The following GFPT2 variants were observed in gnomAD, a reference collection of about 807,000 sequenced individuals.
The protein encoded by GFPT2 is glutamine--fructose-6-phosphate aminotransferase [isomerizing] 2.
In GFPT2, 62 loss-of-function variants were observed where a neutral mutation model predicts 85.6. That is an observed-to-expected ratio of 0.72 (90% CI 0.59 to 0.90). The LOEUF (loss-of-function observed/expected upper bound fraction) is 0.90. Among genes scored for constraint, GFPT2 ranks in the 40% least tolerant of loss-of-function variants. The pLI, the probability that GFPT2 is intolerant of heterozygous loss-of-function variation, is 0.00. For missense variants in GFPT2, 788 were observed against 893.4 expected, an observed-to-expected ratio of 0.88 and a Z score of 1.50; for synonymous variants, 368 against 344.5, an observed-to-expected ratio of 1.07 and a Z score of -0.75.
chr5:180,341,303 A>T (rs1764510684), intron 1 of GFPT2, among the ~76,000 whole-genome samples: 1 of 152,222 alleles, frequency 6.6e-6, no homozygotes, highest in African/African-American at 2.4e-5. Flanking sequence ...CTCAGAGAGG[A>T]CAACCTGCCC....
chr5:180,335,284 C>T (rs200722119), intron 4 of GFPT2, among the ~76,000 whole-genome samples: 93 of 152,338 alleles, frequency 6.1e-4, no homozygotes, highest in East Asian at 4.2e-3. Context: ...CTTCGGGCTG[C>T]GGCCCCTACT....
At chr5:180,307,884 G>A (rs62404927) in intron 15 of GFPT2, among the ~76,000 whole-genome samples, 27,709 of 152,082 alleles carry the variant, frequency 0.18, 2,992 homozygotes, top group Non-Finnish European at 0.25. Flanking sequence ...AGGCCGAGGC[G>A]GGTGGATCAT....
rs150315976 is a variant in GFPT2 at position 180,301,010 on chromosome 5, G to C, written c.*554C>G. 1 of 153,636 alleles carries C rather than the reference G, an allele frequency of 6.5e-6. No homozygotes were observed. The highest frequency in any genetic ancestry group is 1.5e-5 in the Non-Finnish European group (1 of 68,798). 9.5% of individuals were successfully genotyped at this position (153,636 alleles called of 1,614,324 possible). On this transcript the variant is annotated 3_prime_UTR_variant, in exon 19 of 19. Transcript: ENST00000253778. ...CAGGAGGGGCTCCACGGATGTCAGA[G>C]AACAGGATTCAGGAGCAGCCTAGAG... is the stretch of plus-strand genomic sequence containing the variant.
chr5:180,326,154 G>T (rs1264045393), intron 7 of GFPT2, among the ~76,000 whole-genome samples: 3 of 152,178 alleles, frequency 2.0e-5, no homozygotes, highest in African/African-American at 2.4e-5. Context: ...GGTGTGCACA[G>T]AAATAAGAGG....
chr5:180,304,615 G>T (rs1365571627), intron 17 of GFPT2, among the ~76,000 whole-genome samples, 157 bp downstream of exon 17: 1 of 152,226 alleles, frequency 6.6e-6, no homozygotes, highest in Non-Finnish European at 1.5e-5. Context: ...TCCTTTCCAA[G>T]TGTGTGCACT....
chr5:180,325,046 C>T lies in GFPT2; in HGVS notation c.597-151G>A. 4.7e-6 allele frequency: 3 copies of T among 638,996 alleles called. No individual in the cohort carries two copies. In the South Asian group the frequency reaches 5.4e-5, roughly 12 times the overall value. 39.6% of individuals were successfully genotyped at this position (638,996 alleles called of 1,614,324 possible). A position where few individuals can be genotyped will look rare whatever the true frequency, so the allele number is the denominator to read the frequency against. ...TCCCACAGGACGGACGCCTGGAGCACAGGATGGAAAGGCCAGCTCCTGAGT... is the reference window on the plus strand; with the variant it reads ...TCCCACAGGACGGACGCCTGGAGCATAGGATGGAAAGGCCAGCTCCTGAGT... On this transcript the variant is annotated intron_variant, in intron 7 of 18. Transcript: ENST00000253778.
intron 1 of GFPT2, among the ~76,000 whole-genome samples, chr5:180,349,878 G>GTTT (rs61294953): frequency 6.8e-6 from 1 of 146,056 alleles, no homozygotes. Context: ...CACAGTGATT[G>GTTT]TTTTTTTTTT....
intron 9 of GFPT2, among the ~76,000 whole-genome samples, chr5:180,320,723 T>C (rs1764101793): frequency 6.6e-6 from 1 of 152,166 alleles, no homozygotes; most frequent in Non-Finnish European, 1.5e-5. Context: ...GCTGAGATTG[T>C]GCCACTGCAC....
At chr5:180,314,055 A>G in intron 13 of GFPT2, 91 bp from the exon 14 acceptor site, 1 of 1,314,556 alleles carries the variant, frequency 7.6e-7, no homozygotes, top group Non-Finnish European at 1.0e-6. Context: ...TCTTACAGGG[A>G]AATCGGCGCC....
At chr5:180,322,940 C>T (rs930767635) in intron 9 of GFPT2, among the ~76,000 whole-genome samples, 3 of 151,946 alleles carry the variant, frequency 2.0e-5, no homozygotes, top group Non-Finnish European at 2.9e-5. Context: ...GAGGCTGAGG[C>T]AGGAGAATCA....
At position 180,301,147 on chromosome 5, in the gene GFPT2, AAC is replaced by A. The variant is rs760410564; in HGVS notation, c.*415_*416del. 1 of 190,782 alleles carries A rather than the reference AAC, an allele frequency of 5.2e-6. No homozygotes were observed. The highest frequency in any genetic ancestry group is 1.4e-4 in the East Asian group (1 of 7,184). The allele number at this position is 190,782 out of a possible 1,614,324, so 11.8% of individuals were successfully genotyped here. On this transcript the variant is annotated 3_prime_UTR_variant, in exon 19 of 19. Coordinates refer to ENST00000253778, the MANE Select transcript of GFPT2 (RefSeq NM_005110.4). Reference sequence around the variant, plus strand: ...ACACAGAGCATGGGTAGCTAGGATGAACAGTTTGGCCGTTACCACGGCTACAG... The same window carrying A: ...ACACAGAGCATGGGTAGCTAGGATGAAGTTTGGCCGTTACCACGGCTACAG...
In GFPT2 at chr5:180,328,326, C is replaced by T. The variant is rs769522500; in HGVS notation, c.547G>A (p.Ala183Thr). The T allele has an allele frequency of 2.8e-5, 45 of 1,613,018 alleles. No homozygotes were observed. Among genetic ancestry groups the T allele is most frequent in the Non-Finnish European group, 3.6e-5 (42 of 1,179,208 alleles). ...TAGTGGACACTCTTGAAAACCAGCGCGAATGCACCTTCCTGAAAACACACA... is the reference window on the plus strand; with the variant it reads ...TAGTGGACACTCTTGAAAACCAGCGTGAATGCACCTTCCTGAAAACACACA... The part of the protein sequence containing the change: ...RVIQQLEGAF[A>T]LVFKSVHYPG... Residue 183 changes from alanine (A) to threonine (T), a missense_variant, in exon 7 of 19, where the codon GCG becomes ACG. Ala to Thr is a moderately conservative substitution (Grantham distance 58). Coordinates refer to ENST00000253778, the MANE Select transcript of GFPT2 (RefSeq NM_005110.4). This position sits in a 1 kb window ranked among gnomAD's most constrained non-coding sequence, Gnocchi z 5.4.
At chr5:180,324,750 C>A in intron 8 of GFPT2, 66 bp downstream of exon 8, 1 of 1,046,268 alleles carries the variant, frequency 9.6e-7, no homozygotes, top group Non-Finnish European at 1.5e-6. Flanking sequence ...CTGACTGTGC[C>A]AGAGCAGCTG....
intron 1 of GFPT2, among the ~76,000 whole-genome samples, chr5:180,343,588 G>C (rs1382768052): frequency 6.6e-6 from 1 of 152,244 alleles, no homozygotes; most frequent in Non-Finnish European, 1.5e-5. Context: ...CTGTTTCTTT[G>C]CTTTTGCAGC....
At position 180,324,226 on chromosome 5, in the gene GFPT2, G is replaced by A. The variant is rs765839509; in HGVS notation, c.756C>T (p.Gly252=). ...CAAAGAAGAATTCCACGGCCTTGTC[G>A]CCCACAGCATGCAGGCAGGCGGAGC... ...LDSSACLHAV[G]DKAVEFFFAS... The change falls in exon 9 of 19, where the codon GGC becomes GGT. Residue 252 remains glycine (G), a synonymous_variant. Transcript: ENST00000253778. 17 of 1,610,982 alleles carry A rather than the reference G, an allele frequency of 1.1e-5. No individual in the cohort carries two copies. Among genetic ancestry groups the A allele is most frequent in the East Asian group, 6.7e-5 (3 of 44,820 alleles).
chr5:180,331,388 C>T (rs1764297503), intron 5 of GFPT2, 107 bp downstream of exon 5: 4 of 713,528 alleles, frequency 5.6e-6, no homozygotes, highest in Non-Finnish European at 7.6e-6. Flanking sequence ...GAGTGTGGGT[C>T]TCACTCAGTT....
rs201087082 is a variant in GFPT2 at position 180,338,586 on chromosome 5, T to G, written c.22A>C (p.Met8Leu). The G allele has an allele frequency of 1.5e-5, 24 of 1,601,060 alleles. No individual in the cohort carries two copies. In the Admixed American group the frequency reaches 3.5e-4, roughly 23 times the overall value. Residue 8 changes from methionine to leucine, a missense_variant, in exon 2 of 19, where the codon ATG becomes CTG. By Grantham distance (15) the Met-to-Leu change is conservative (BLOSUM62 2). Coordinates refer to ENST00000253778, the MANE Select transcript of GFPT2 (RefSeq NM_005110.4). MCGIFAY[M>L]NYRVPRTRKE... ...CTCGTCCGGGGGACTCTGTAGTTCA[T>G]GTAGGCAAAGATTCCTGTTCAAAGA...
In GFPT2 at chr5:180,324,840, GT is replaced by G. The variant is rs1401151850; in HGVS notation, c.651del (p.Glu217AspfsTer15). 1.2e-6 allele frequency: 2 copies of G among 1,609,852 alleles called. No homozygotes were observed. The highest frequency in any genetic ancestry group is 1.7e-6 in the Non-Finnish European group (2 of 1,176,122). On this transcript the variant is annotated frameshift_variant, in exon 8 of 19. Transcript: ENST00000253778. LOFTEE classifies it high-confidence loss of function. ...GVRSKYKLST[E>X]QIPILYRTCT... ...CACGTCCTGTATAAGATAGGGATCT[GT>G]TCTGTGGAGAGCTTGTATTTGCTCC... is the stretch of plus-strand genomic sequence containing the variant.
Position 180,338,543 on chromosome 5 carries a change from G to GT in GFPT2, c.64dup (p.Thr22AsnfsTer25). Reference sequence around the variant, plus strand: ...CAGCCGCTGCAGGCCCTTGATGAGGGTTTCGAAGATCTCCTTCCTCGTCCG... The same window carrying GT: ...CAGCCGCTGCAGGCCCTTGATGAGGGTTTTCGAAGATCTCCTTCCTCGTCCG... On this transcript the variant is annotated frameshift_variant, in exon 2 of 19. Transcript: ENST00000253778. LOFTEE classifies it high-confidence loss of function. 1.9e-6 allele frequency: 3 copies of GT among 1,612,912 alleles called. No individual in the cohort carries two copies. Among genetic ancestry groups the GT allele is most frequent in the Non-Finnish European group, 2.5e-6 (3 of 1,178,916 alleles).
Sources: allele counts gnomAD v4.1 joint callset (sites outside exome capture counted in the v4.1 genomes callset), GRCh38; gene constraint gnomAD v4.1.1; non-coding constraint Gnocchi (gnomAD v3.1); transcripts MANE v1.5; gene names NCBI Gene and HGNC (gene_info 2026-07-23, HGNC 2026-07-21).